KIF20B: variants seen among roughly 807,000 people sequenced by gnomAD.
KIF20B encodes kinesin family member 20B.
KIF20B carries 188 observed loss-of-function variants against 232.5 expected under a neutral mutation model. The ratio of observed to expected loss-of-function variants is 0.81; its 90% CI spans 0.72 to 0.91. The LOEUF is 0.91. KIF20B is among the 40% of genes least tolerant of loss of function. The pLI is 0.00. For synonymous variants in KIF20B, 712 were observed against 683.0 expected, an observed-to-expected ratio of 1.04 and a Z score of -0.66; for missense variants, 2,154 against 2,055.9, an observed-to-expected ratio of 1.05 and a Z score of -0.92.
chr10:89,712,427 AT>A (rs996068824), intron 6 of KIF20B, among the ~76,000 whole-genome samples: 11 of 151,350 alleles, frequency 7.3e-5, no homozygotes, highest in African/African-American at 2.7e-4. Context: ...GGCTGTTTTG[AT>A]TTTTTTTGTA....
At chr10:89,706,137 GCTT>G (rs1842719009) in intron 2 of KIF20B, among the ~76,000 whole-genome samples, 1 of 152,126 alleles carries the variant, frequency 6.6e-6, no homozygotes, top group African/African-American at 2.4e-5. Context: ...AGGTTCCAGT[GCTT>G]CTACCTCTTT....
chr10:89,747,713 A>G (rs966333983), intron 23 of KIF20B, among the ~76,000 whole-genome samples: 2 of 151,432 alleles, frequency 1.3e-5, no homozygotes, highest in African/African-American at 4.9e-5. Flanking sequence ...AGGAAGGGGA[A>G]CATCACACTG....
intron 13 of KIF20B, 134 bp downstream of exon 13, chr10:89,719,840 A>G (rs1272760805): frequency 1.5e-6 from 1 of 669,260 alleles, no homozygotes; most frequent in Non-Finnish European, 2.5e-6. Context: ...ATTTTGAAAA[A>G]TTTCAAACCT....
intron 23 of KIF20B, among the ~76,000 whole-genome samples, chr10:89,747,214 A>G (rs937844781): frequency 5.3e-5 from 8 of 152,296 alleles, no homozygotes; most frequent in African/African-American, 1.4e-4. Context: ...TAGAATGGCA[A>G]TCATTAAAAA....
chr10:89,732,246 C>G (rs1331829325), intron 18 of KIF20B, among the ~76,000 whole-genome samples: 1 of 152,104 alleles, frequency 6.6e-6, no homozygotes, highest in Non-Finnish European at 1.5e-5. Flanking sequence ...ATTGCCTTAG[C>G]CTTCCGAGTA....
At position 89,737,930 on chromosome 10, in the gene KIF20B, G is replaced by A. The variant is rs1841696898; in HGVS notation, c.3089G>A (p.Gly1030Asp). The change falls in exon 20 of 33, where the codon GGT (glycine) becomes GAT (aspartate). Residue 1030 changes from glycine to aspartate, a missense_variant. Gly to Asp is a moderately conservative substitution (Grantham distance 94). Transcript: ENST00000371728. ...CCAAATACACAGTTAGACCTTTTAG[G>A]TAATGATTATTTGGTAAGTAAGCAA... ...NLPNTQLDLL[G>D]NDYLVSKQVK... 1 of 1,613,282 alleles carries A rather than the reference G, an allele frequency of 6.2e-7. No homozygotes were observed. Among genetic ancestry groups the A allele is most frequent in the South Asian group, 1.1e-5 (1 of 90,950 alleles).
intron 23 of KIF20B, among the ~76,000 whole-genome samples, chr10:89,750,963 A>C (rs1452292979): frequency 6.6e-6 from 1 of 152,156 alleles, no homozygotes; most frequent in Non-Finnish European, 1.5e-5. Context: ...GAGAATATTA[A>C]CACTGAAAAT....
intron 23 of KIF20B, among the ~76,000 whole-genome samples, chr10:89,750,804 A>T (rs1842006684): frequency 1.3e-5 from 2 of 152,112 alleles, no homozygotes; most frequent in Non-Finnish European, 2.9e-5. Flanking sequence ...ATTTCTGAGG[A>T]GCTGGTTTTA....
chr10:89,743,992 A>C, intron 22 of KIF20B, 65 bp downstream of exon 22: 1 of 1,401,418 alleles, frequency 7.1e-7, no homozygotes, highest in East Asian at 2.7e-5. Context: ...GTGTACAAAA[A>C]GGTACAAATT....
At chr10:89,724,540 A>G (rs1275927502) in intron 14 of KIF20B, among the ~76,000 whole-genome samples, 1 of 152,128 alleles carries the variant, frequency 6.6e-6, no homozygotes, top group African/African-American at 2.4e-5. Context: ...AGAGAAGAAA[A>G]AAAAGAATAT....
intron 17 of KIF20B, 120 bp from the exon 18 acceptor site, chr10:89,729,008 T>G (rs922490321): frequency 2.1e-5 from 20 of 968,302 alleles, no homozygotes; most frequent in Non-Finnish European, 2.6e-5. Context: ...TGCCACTGAT[T>G]AGCTTTATTT....
Position 89,732,977 on chromosome 10 carries a change from C to A in KIF20B, c.2466C>A (p.Asp822Glu). 1 of 1,612,812 alleles carries A rather than the reference C, an allele frequency of 6.2e-7. No individual in the cohort carries two copies. Among genetic ancestry groups the A allele is most frequent in the South Asian group, 1.1e-5 (1 of 91,024 alleles). The change falls in exon 19 of 33, where the codon GAC becomes GAA. Residue 822 changes from aspartate (D) to glutamate (E), a missense_variant. Physicochemically the swap from Asp to Glu is conservative, Grantham distance 45. Transcript: ENST00000371728. ...ATGAAACAGTTGAAGTACCTAAGGA[C>A]AGCAAATCTAAAATCTGTTCAGAAA... ...ICNETVEVPKDSKSKICSERK... is the reference protein window; with the variant it reads ...ICNETVEVPKESKSKICSERK...
At chr10:89,757,959 C>T (rs1228601306) in intron 26 of KIF20B, among the ~76,000 whole-genome samples, 1 of 151,646 alleles carries the variant, frequency 6.6e-6, no homozygotes, top group African/African-American at 2.4e-5. Context: ...ATCGTCTCTT[C>T]TGTCCCATTG....
At chr10:89,728,019 G>A in intron 17 of KIF20B, 123 bp downstream of exon 17, 1 of 786,584 alleles carries the variant, frequency 1.3e-6, no homozygotes, top group Non-Finnish European at 1.8e-6. Flanking sequence ...TGGTATGCAT[G>A]GGGGATTGGT....
intron 31 of KIF20B, among the ~76,000 whole-genome samples, chr10:89,769,842 G>C (rs1842432427): frequency 6.6e-6 from 1 of 151,920 alleles, no homozygotes; most frequent in African/African-American, 2.4e-5. Flanking sequence ...TTTTTGTGAG[G>C]TTACCTGAAT....
Position 89,715,156 on chromosome 10 carries a change from A to T in KIF20B, c.914A>T (p.Asp305Val). Residue 305 changes from aspartate (D) to valine (V), a missense_variant, in exon 8 of 33, where the codon GAC (aspartate) becomes GTC (valine). Asp to Val is a radical substitution (Grantham distance 152). Transcript: ENST00000371728. ...AGAAAGATGCTGCGCCTTTCCCAAG[A>T]CGTAAAGGGCTATTCTTTTATAAAA... ...QKRKMLRLSQ[D>V]VKGYSFIKDL... 1 of 1,598,766 alleles carries T rather than the reference A, an allele frequency of 6.3e-7. No individual in the cohort carries two copies. Among genetic ancestry groups the T allele is most frequent in the South Asian group, 1.1e-5 (1 of 87,402 alleles).
chr10:89,772,733 G>A lies in KIF20B; in HGVS notation c.5287G>A (p.Val1763Ile), dbSNP rs1842489522. Residue 1763 changes from valine to isoleucine, a missense_variant, in exon 32 of 33, where the codon GTA becomes ATA. By Grantham distance (29) the Val-to-Ile change is conservative. Coordinates refer to ENST00000371728, the MANE Select transcript of KIF20B (RefSeq NM_001284259.2). ...ETMSSSKLSN[V>I]EASKENVSQP... ...AATGAGCTCTTCAAAGCTCTCAAAT[G>A]TAGAAGCAAGTAAAGAAAATGTGTC... 3.1e-6 allele frequency: 5 copies of A among 1,606,008 alleles called. No individual in the cohort carries two copies. Among genetic ancestry groups the A allele is most frequent in the Non-Finnish European group, 4.3e-6 (5 of 1,174,232 alleles).
rs772166365 is a variant in KIF20B, at chr10:89,719,496, A to G, written c.1512A>G (p.Leu504=). 9 of 1,607,072 alleles carry G rather than the reference A, an allele frequency of 5.6e-6. No individual in the cohort carries two copies. In the African/African-American group the frequency reaches 1.1e-4, roughly 19 times the overall value. Residue 504 remains leucine (L), a synonymous_variant, in exon 13 of 33, where the codon CTA becomes CTG. Transcript: ENST00000371728. ...TCAAATCTTCTCAAGATGTATCACTAGACAGTAATTCAAACAGTAAAATAT... is the reference window on the plus strand; with the variant it reads ...TCAAATCTTCTCAAGATGTATCACTGGACAGTAATTCAAACAGTAAAATAT... ...GPVKSSQDVS[L]DSNSNSKILN... is the part of the protein sequence containing the mutation.
chr10:89,729,261 C>G lies in KIF20B; in HGVS notation c.2391+14C>G, dbSNP rs752317797. 1 of 1,460,074 alleles carries G rather than the reference C, an allele frequency of 6.8e-7. No individual in the cohort carries two copies. Among genetic ancestry groups the G allele is most frequent in the Non-Finnish European group, 9.2e-7 (1 of 1,092,416 alleles). The allele number at this position is 1,460,074 out of a possible 1,614,324, so 90.4% of individuals were successfully genotyped here. On this transcript the variant is annotated intron_variant, in intron 18 of 32. Transcript: ENST00000371728. ...TTTAAATGCAATGTAAGAATTTAACCTTGTGTTATATTAATAAATTAGATA... is the reference window on the plus strand; with the variant it reads ...TTTAAATGCAATGTAAGAATTTAACGTTGTGTTATATTAATAAATTAGATA...
Sources: allele counts gnomAD v4.1 joint callset (sites outside exome capture counted in the v4.1 genomes callset), GRCh38; gene constraint gnomAD v4.1.1; transcripts MANE v1.5; gene names NCBI Gene and HGNC (gene_info 2026-07-23, HGNC 2026-07-21).